The following TMPRSS11F variants were observed in gnomAD, a reference collection of about 807,000 sequenced individuals.
TMPRSS11F encodes the protein transmembrane serine protease 11F.
Under a neutral mutation model 60.2 loss-of-function variants are expected in TMPRSS11F, and 47 were observed. That is an observed-to-expected ratio of 0.78 (90% CI 0.62 to 1.00). The LOEUF (loss-of-function observed/expected upper bound fraction) is 1.00. Among genes scored for constraint, TMPRSS11F ranks in the 50% least tolerant of loss-of-function variants. The pLI is 0.00. For missense variants in TMPRSS11F, 519 were observed against 522.9 expected (o/e 0.99, Z 0.07); for synonymous variants, 166 against 167.3 (o/e 0.99, Z 0.06).
intron 1 of TMPRSS11F, among the ~76,000 whole-genome samples, chr4:68,113,286 G>C (rs534569581): frequency 6.6e-6 from 1 of 152,230 alleles, no homozygotes; most frequent in South Asian, 2.1e-4. Context: ...AATTGTTTTT[G>C]TGTCCTAGTG....
At chr4:68,089,271 T>A (rs1316373824) in intron 3 of TMPRSS11F, among the ~76,000 whole-genome samples, 1 of 152,148 alleles carries the variant, frequency 6.6e-6, no homozygotes, top group African/African-American at 2.4e-5. Flanking sequence ...GAACTTTTTC[T>A]TAGTAAAGGT....
At chr4:68,070,037 C>A (rs1435050721) in intron 5 of TMPRSS11F, 30 bp from the exon 6 acceptor site, 1 of 1,592,434 alleles carries the variant, frequency 6.3e-7, no homozygotes, top group Non-Finnish European at 8.6e-7. Context: ...AATTAGTTGG[C>A]AGAAGAATAT....
intron 1 of TMPRSS11F, among the ~76,000 whole-genome samples, chr4:68,101,936 CT>C (rs2109873761): frequency 6.6e-6 from 1 of 152,248 alleles, no homozygotes; most frequent in South Asian, 2.1e-4. Context: ...GATCTCCAGA[CT>C]TTCCATCCTA....
rs117956431 is a variant in TMPRSS11F, at chr4:68,098,314, G to C, written c.163+573C>G. On this transcript the variant is annotated intron_variant, in intron 2 of 9. Coordinates refer to ENST00000356291, the MANE Select transcript of TMPRSS11F (RefSeq NM_207407.2). Reference sequence around the variant, plus strand: ...CTCAAGAATCTGTCTCAAAAAAAAAGAGGAAAATACAGAAACCAAAGACGA... The same window carrying C: ...CTCAAGAATCTGTCTCAAAAAAAAACAGGAAAATACAGAAACCAAAGACGA... Among the ~76,000 whole-genome samples, 459 of 152,018 alleles carry C rather than the reference G, an allele frequency of 3.0e-3. 17 individuals carry two copies. The East Asian group carries it at 0.078, about 26-fold the overall frequency.
intron 1 of TMPRSS11F, among the ~76,000 whole-genome samples, chr4:68,108,598 A>G (rs1160768861): frequency 7.2e-5 from 11 of 152,170 alleles, no homozygotes; most frequent in African/African-American, 2.2e-4. Flanking sequence ...TCCAGCCTTT[A>G]CATGCCATGT....
In TMPRSS11F at chr4:68,068,792, T is replaced by G. The variant is rs755327885; in HGVS notation, c.581A>C (p.Asn194Thr). The G allele has an allele frequency of 5.0e-6, 8 of 1,614,204 alleles. No homozygotes were observed. In the Middle Eastern group the frequency reaches 4.9e-4, roughly 100 times the overall value. Residue 194 changes from asparagine to threonine, a missense_variant, in exon 7 of 10, where the codon AAC becomes ACC. Physicochemically the swap from Asn to Thr is moderately conservative, Grantham distance 65. Coordinates refer to ENST00000356291, the MANE Select transcript of TMPRSS11F (RefSeq NM_207407.2). ...SRCGIRMTSS[N>T]MPLPASSSTQ... ...AGAAGAGGATGCTGGTAATGGCATG[T>G]TTGAAGATGTCATCCTTATTCCACA...
At chr4:68,058,360 TA>T (rs1453002558) in intron 9 of TMPRSS11F, among the ~76,000 whole-genome samples, 1 of 152,016 alleles carries the variant, frequency 6.6e-6, no homozygotes, top group Non-Finnish European at 1.5e-5. Flanking sequence ...GATTTATCAA[TA>T]AAAAATAATG....
chr4:68,090,437 T>A, intron 3 of TMPRSS11F, 86 bp downstream of exon 3: 1 of 1,461,058 alleles, frequency 6.8e-7, no homozygotes, highest in Non-Finnish European at 9.1e-7. Context: ...AAAGAAGAAA[T>A]TGAGACTAAG....
intron 3 of TMPRSS11F, among the ~76,000 whole-genome samples, chr4:68,076,613 A>G (rs545819787): frequency 6.6e-6 from 1 of 152,314 alleles, no homozygotes; most frequent in African/African-American, 2.4e-5. Flanking sequence ...GATGTACACT[A>G]AAGAGAAAAG....
intron 1 of TMPRSS11F, among the ~76,000 whole-genome samples, chr4:68,121,104 C>G (rs530763154): frequency 6.6e-6 from 1 of 152,314 alleles, no homozygotes; most frequent in Admixed American, 6.5e-5. Flanking sequence ...TTCTATATGA[C>G]CCACCCAGTT....
intron 3 of TMPRSS11F, among the ~76,000 whole-genome samples, chr4:68,087,154 C>A (rs543079174): frequency 4.9e-4 from 74 of 152,172 alleles, no homozygotes; most frequent in African/African-American, 1.8e-3. Flanking sequence ...TCTAGCTGCA[C>A]GAAAAGTTAA....
intron 3 of TMPRSS11F, among the ~76,000 whole-genome samples, chr4:68,085,383 C>T (rs1003152402): frequency 1.3e-5 from 2 of 152,008 alleles, no homozygotes; most frequent in African/African-American, 4.8e-5. Flanking sequence ...TCTCCACATC[C>T]TCTCCAGCAC....
intron 1 of TMPRSS11F, among the ~76,000 whole-genome samples, chr4:68,124,280 C>G (rs755276365): frequency 1.3e-5 from 2 of 151,260 alleles, no homozygotes; most frequent in African/African-American, 4.9e-5. Flanking sequence ...GGGCATGGTG[C>G]CTCGCACCTA....
intron 4 of TMPRSS11F, 110 bp downstream of exon 4, chr4:68,073,832 G>T: frequency 1.5e-6 from 1 of 645,342 alleles, no homozygotes; most frequent in Non-Finnish European, 2.6e-6. Context: ...CAAGATTTAT[G>T]AAATCTCTGT....
intron 2 of TMPRSS11F, among the ~76,000 whole-genome samples, chr4:68,093,697 T>G (rs1186179777): frequency 6.6e-6 from 1 of 151,108 alleles, no homozygotes; most frequent in African/African-American, 2.4e-5. Flanking sequence ...CAAACAAATT[T>G]ACAAGAAAAA....
chr4:68,054,270 T>C (rs1722997734), intron 9 of TMPRSS11F, among the ~76,000 whole-genome samples: 1 of 152,164 alleles, frequency 6.6e-6, no homozygotes, highest in Non-Finnish European at 1.5e-5. Flanking sequence ...TAACATTCAT[T>C]CACAGGAAAT....
intron 2 of TMPRSS11F, among the ~76,000 whole-genome samples, chr4:68,090,904 T>C (rs1299983150): frequency 6.6e-6 from 1 of 152,154 alleles, no homozygotes; most frequent in African/African-American, 2.4e-5. Context: ...AAATTGGACA[T>C]GCAACATACA....
intron 8 of TMPRSS11F, among the ~76,000 whole-genome samples, chr4:68,060,071 G>T (rs1203517610): frequency 1.3e-5 from 2 of 152,084 alleles, no homozygotes; most frequent in Non-Finnish European, 2.9e-5. Context: ...GCTCTGGGTT[G>T]AAGCTATTGG....
intron 1 of TMPRSS11F, among the ~76,000 whole-genome samples, chr4:68,101,824 T>TTTTG (rs941008152): frequency 5.9e-5 from 9 of 152,144 alleles, no homozygotes; most frequent in Admixed American, 5.2e-4. Context: ...AGTAACCATT[T>TTTTG]TTTGTTTGTT....
Sources: allele counts gnomAD v4.1 joint callset (sites outside exome capture counted in the v4.1 genomes callset), GRCh38; gene constraint gnomAD v4.1.1; transcripts MANE v1.5; gene names NCBI Gene and HGNC (gene_info 2026-07-23, HGNC 2026-07-21).